Variants in SHISA9 observed in about 807,000 individuals in gnomAD.
The protein encoded by SHISA9 is shisa family member 9.
Under a neutral mutation model 38.0 loss-of-function variants are expected in SHISA9, and 13 were observed. The ratio of observed to expected loss-of-function variants is 0.34; its 90% confidence interval spans 0.22 to 0.54. SHISA9 has a LOEUF of 0.54. Ranked by LOEUF, SHISA9 falls within the 20% of genes least tolerant of loss-of-function variation. SHISA9 has a pLI of 0.91. For synonymous variants in SHISA9, 275 were observed against 242.0 expected (o/e 1.14, Z -1.27); for missense variants, 538 against 575.8 (o/e 0.93, Z 0.67).
chr16:13,333,688 TA>T, the SHISA9 span, among the ~76,000 whole-genome samples: 1 of 152,124 alleles, frequency 6.6e-6, no homozygotes, highest in African/African-American at 2.4e-5. Context: ...AGAGATGTCC[TA>T]AAAACCATTA....
chr16:13,296,280 A>T, the SHISA9 span, among the ~76,000 whole-genome samples: 1 of 150,170 alleles, frequency 6.7e-6, no homozygotes, highest in Non-Finnish European at 1.5e-5. Flanking sequence ...AGATGCTGGG[A>T]TTTCTGAAGG....
rs2051271997 is a variant in SHISA9 at position 13,225,685 on chromosome 16, G to C, written c.896-9345G>C. ...TGCCTCAAGGAAAGGAGGTAGGTGG[G>C]AGGCTGCCTGCTGAGACCCTCAGAT... On this transcript the variant is annotated intron_variant, in intron 4 of 4. Transcript: ENST00000558583. Among the ~76,000 whole-genome samples, 5 of 152,140 alleles carry C rather than the reference G, an allele frequency of 3.3e-5. No individual in the cohort carries two copies. In the South Asian group the frequency reaches 1.0e-3, roughly 32 times the overall value.
At chr16:13,244,110 T>C (rs1229911684), downstream of SHISA9, among the ~76,000 whole-genome samples, 1 of 152,200 alleles carries the variant, frequency 6.6e-6, no homozygotes, top group Non-Finnish European at 1.5e-5. Flanking sequence ...ATATTCTTAA[T>C]GTTCTTAGGC....
In SHISA9 at chr16:13,003,407, C is replaced by T. The variant is rs184667108; in HGVS notation, c.691+86592C>T. 2.7e-3 allele frequency among the ~76,000 whole-genome samples: 409 copies of T among 152,316 alleles called. 2 individuals carry two copies. The highest frequency in any genetic ancestry group is 9.1e-3 in the African/African-American group (379 of 41,556). On this transcript the variant is annotated intron_variant, in intron 2 of 4. Coordinates refer to ENST00000558583, the MANE Select transcript of SHISA9 (RefSeq NM_001145204.3). ...CTCTCCTACACTGTTTTCCTAAGCTCGCTGGGATTCCAAACTTTTCAAATG... is the reference window on the plus strand; with the variant it reads ...CTCTCCTACACTGTTTTCCTAAGCTTGCTGGGATTCCAAACTTTTCAAATG...
the SHISA9 span, among the ~76,000 whole-genome samples, chr16:13,354,867 G>A: frequency 6.6e-6 from 1 of 152,122 alleles, no homozygotes; most frequent in Non-Finnish European, 1.5e-5. Flanking sequence ...GAATTATGGC[G>A]AGATAGGTAA....
At chr16:13,532,742 C>G in the SHISA9 span, among the ~76,000 whole-genome samples, 1 of 152,108 alleles carries the variant, frequency 6.6e-6, no homozygotes, top group African/African-American at 2.4e-5. Flanking sequence ...CAAGGCCATG[C>G]CAAACCTTCA....
chr16:13,526,814 G>A, the SHISA9 span, among the ~76,000 whole-genome samples: 2 of 152,284 alleles, frequency 1.3e-5, no homozygotes, highest in South Asian at 4.1e-4. Context: ...CCTGAAGATG[G>A]AACCTAAACG....
At chr16:13,042,949 T>A (rs748112117) in intron 2 of SHISA9, among the ~76,000 whole-genome samples, 1 of 152,192 alleles carries the variant, frequency 6.6e-6, no homozygotes, top group Non-Finnish European at 1.5e-5. Context: ...GCATATTAGT[T>A]AAGGTAATGC....
intron 2 of SHISA9, among the ~76,000 whole-genome samples, chr16:13,083,502 A>G (rs979289656): frequency 6.6e-6 from 1 of 152,178 alleles, no homozygotes; most frequent in Non-Finnish European, 1.5e-5. Flanking sequence ...GGAAAGCAAG[A>G]TTGTGCAGGG....
chr16:13,120,642 A>G (rs1477319911), intron 2 of SHISA9, among the ~76,000 whole-genome samples: 1 of 152,198 alleles, frequency 6.6e-6, no homozygotes, highest in Non-Finnish European at 1.5e-5. Flanking sequence ...GCTGAGAGAG[A>G]GAAATAGCCC....
chr16:13,026,796 A>T (rs2072927711), intron 2 of SHISA9, among the ~76,000 whole-genome samples: 1 of 152,188 alleles, frequency 6.6e-6, no homozygotes, highest in Admixed American at 6.5e-5. Flanking sequence ...AATGCAGATA[A>T]AGCACTTGAC....
In SHISA9 at chr16:13,239,201, G is replaced by A. The variant is rs2051414662; in HGVS notation, c.*3792G>A. On this transcript the variant is annotated 3_prime_UTR_variant, in exon 5 of 5. Coordinates refer to ENST00000558583, the MANE Select transcript of SHISA9 (RefSeq NM_001145204.3). Reference sequence around the variant, plus strand: ...TTATGGCTGCATAGTATTCCATGGTGTATATGTGCCACATTTTCTTAATCC... The same window carrying A: ...TTATGGCTGCATAGTATTCCATGGTATATATGTGCCACATTTTCTTAATCC... 6.6e-6 allele frequency: 1 copy of A among 151,808 alleles called. No individual in the cohort carries two copies. Among genetic ancestry groups the A allele is most frequent in the African/African-American group, 2.4e-5 (1 of 41,310 alleles). 9.4% of individuals were successfully genotyped at this position (151,808 alleles called of 1,614,324 possible).
At chr16:13,489,137 C>G in the SHISA9 span, among the ~76,000 whole-genome samples, 3 of 152,108 alleles carry the variant, frequency 2.0e-5, no homozygotes, top group Non-Finnish European at 4.4e-5. Flanking sequence ...ACCTCCACCT[C>G]CTGGGTTCAA....
intron 2 of SHISA9, among the ~76,000 whole-genome samples, chr16:13,095,406 A>G (rs77662701): frequency 6.4e-4 from 97 of 152,324 alleles, no homozygotes; most frequent in African/African-American, 2.2e-3. Flanking sequence ...GGAAGAAGCA[A>G]TGAGTGAAAA....
At chr16:13,468,189 T>C in the SHISA9 span, among the ~76,000 whole-genome samples, 2 of 152,142 alleles carry the variant, frequency 1.3e-5, no homozygotes, top group Non-Finnish European at 2.9e-5. Context: ...AAGAGGCCTT[T>C]TAAAGGGGGA....
At chr16:13,058,320 G>A (rs1232253917) in intron 2 of SHISA9, among the ~76,000 whole-genome samples, 2 of 152,104 alleles carry the variant, frequency 1.3e-5, no homozygotes, top group African/African-American at 4.8e-5. Flanking sequence ...GTGATTCTTA[G>A]CATTGGCTGA....
intron 2 of SHISA9, among the ~76,000 whole-genome samples, chr16:13,129,901 C>G (rs1272214069): frequency 3.3e-5 from 5 of 152,190 alleles, no homozygotes; most frequent in Non-Finnish European, 7.3e-5. Context: ...TGAAGCTCCT[C>G]CACTCTTGTG....
chr16:13,273,661 T>A, the SHISA9 span, among the ~76,000 whole-genome samples: 4 of 152,172 alleles, frequency 2.6e-5, no homozygotes. Context: ...GAGAACGGAC[T>A]AATACAACTC....
chr16:13,071,964 C>T (rs954213627), intron 2 of SHISA9, among the ~76,000 whole-genome samples: 1 of 152,166 alleles, frequency 6.6e-6, no homozygotes, highest in Admixed American at 6.5e-5. Context: ...GGCTTTCTGA[C>T]ACCCGCTCTT....
Sources: gnomAD v4.1 joint callset for allele counts (sites outside exome capture counted in the v4.1 genomes callset) on GRCh38, gnomAD v4.1.1 for gene constraint, MANE v1.5 for transcripts, NCBI Gene and HGNC (gene_info 2026-07-23, HGNC 2026-07-21) for gene names.